S100Z: variants seen among roughly 807,000 people sequenced by gnomAD.
The protein encoded by S100Z is S100 calcium binding protein Z, also known as protein S100-Z.
A neutral mutation model predicts 8.5 loss-of-function variants in S100Z; 11 were observed. The observed-to-expected ratio is 1.30, with a 90% CI of 0.82 to 2.15. The LOEUF (loss-of-function observed/expected upper bound fraction) is 2.15. Among genes scored for constraint, S100Z ranks in the 30% most tolerant of loss-of-function variants. The pLI is 0.00. For synonymous variants in S100Z, 34 were observed against 43.8 expected (o/e 0.78, Z 0.89); for missense variants, 126 against 117.9 (o/e 1.07, Z -0.32).
At chr5:76,869,710 C>A (rs1431040342) in intron 1 of S100Z, among the ~76,000 whole-genome samples, 1 of 152,030 alleles carries the variant, frequency 6.6e-6, no homozygotes, top group Admixed American at 6.6e-5. Flanking sequence ...GAGAAGTGGA[C>A]CAGTTTAGCT....
At chr5:76,939,726 C>A in the S100Z span, among the ~76,000 whole-genome samples, 60,205 of 149,460 alleles carry the variant, frequency 0.4, 13,981 homozygotes, top group South Asian at 0.65. Flanking sequence ...TTGGCTAGGC[C>A]GGTCTTGAAC....
chr5:76,925,141 C>G (rs968414603), downstream of S100Z, among the ~76,000 whole-genome samples: 1 of 144,354 alleles, frequency 6.9e-6, no homozygotes, highest in African/African-American at 2.5e-5. Context: ...TGAGGGTCCC[C>G]AAAGATGAGT....
intron 4 of S100Z, among the ~76,000 whole-genome samples, chr5:76,911,052 A>AG (rs1744638746): frequency 6.6e-6 from 1 of 152,192 alleles, no homozygotes; most frequent in African/African-American, 2.4e-5. Context: ...CCTCTACTTG[A>AG]GGAGGGAATC....
chr5:76,936,837 C>T, the S100Z span, among the ~76,000 whole-genome samples: 1 of 152,032 alleles, frequency 6.6e-6, no homozygotes, highest in Non-Finnish European at 1.5e-5. Context: ...AGGGAAGAGG[C>T]AAGGGCACTG....
intron 4 of S100Z, among the ~76,000 whole-genome samples, chr5:76,895,201 C>T (rs1743995414): frequency 6.6e-6 from 1 of 152,056 alleles, no homozygotes; most frequent in Non-Finnish European, 1.5e-5. Context: ...TTGAGAATGC[C>T]CAGGATTTTC....
chr5:76,877,616 T>C, intron 3 of S100Z, 58 bp from the exon 4 acceptor site: 1 of 995,116 alleles, frequency 1.0e-6, no homozygotes, highest in Non-Finnish European at 1.6e-6. Flanking sequence ...AAGATGAATT[T>C]CAATTGTCAT....
intron 4 of S100Z, among the ~76,000 whole-genome samples, chr5:76,920,423 TA>T (rs1424278802): frequency 6.6e-6 from 1 of 152,212 alleles, no homozygotes; most frequent in Non-Finnish European, 1.5e-5. Flanking sequence ...AATCCACTGC[TA>T]AGACTTCTCC....
At chr5:76,922,824 AAG>A (rs1435962359), downstream of S100Z, among the ~76,000 whole-genome samples, 1 of 152,100 alleles carries the variant, frequency 6.6e-6, no homozygotes, top group Non-Finnish European at 1.5e-5. Context: ...TGCCTAGCCA[AAG>A]AGAGTATTTA....
At chr5:76,864,785 T>G (rs1466268303) in intron 1 of S100Z, among the ~76,000 whole-genome samples, 1 of 152,156 alleles carries the variant, frequency 6.6e-6, no homozygotes, top group Non-Finnish European at 1.5e-5. Context: ...CTCGGCTCGC[T>G]GCAACCTCTG....
intron 4 of S100Z, among the ~76,000 whole-genome samples, chr5:76,908,636 A>C (rs1744540491): frequency 6.6e-6 from 1 of 152,176 alleles, no homozygotes; most frequent in Admixed American, 6.5e-5. Flanking sequence ...TCAGACAAGC[A>C]GGCCTAACAA....
intron 4 of S100Z, among the ~76,000 whole-genome samples, chr5:76,905,094 C>T (rs1181175696): frequency 1.3e-5 from 2 of 152,142 alleles, no homozygotes; most frequent in Non-Finnish European, 2.9e-5. Context: ...AGGGATGCTG[C>T]TACACATCCT....
chr5:76,928,808 C>T, the S100Z span, among the ~76,000 whole-genome samples: 38 of 152,300 alleles, frequency 2.5e-4, no homozygotes, highest in Admixed American at 7.2e-4. Flanking sequence ...CGCACAATCA[C>T]GGCACATTAC....
chr5:76,938,107 TAAACAAAA>T, the S100Z span, among the ~76,000 whole-genome samples: 1 of 138,124 alleles, frequency 7.2e-6, no homozygotes, highest in Non-Finnish European at 1.6e-5. Context: ...AAACAAAAAA[TAAACAAAA>T]AAACAAAAAA....
chr5:76,863,812 A>G (rs1484368870), intron 1 of S100Z, among the ~76,000 whole-genome samples: 1 of 152,230 alleles, frequency 6.6e-6, no homozygotes, highest in East Asian at 1.9e-4. Flanking sequence ...TACTGGGATT[A>G]CAGGTGTGAG....
downstream of S100Z, among the ~76,000 whole-genome samples, chr5:76,922,473 C>T (rs1287966316): frequency 1.3e-5 from 2 of 152,204 alleles, no homozygotes; most frequent in Non-Finnish European, 2.9e-5. Flanking sequence ...CTCCCTCCCA[C>T]CTCCCAGGTT....
chr5:76,927,913 G>A, the S100Z span, among the ~76,000 whole-genome samples: 1 of 152,164 alleles, frequency 6.6e-6, no homozygotes, highest in Non-Finnish European at 1.5e-5. Flanking sequence ...GGAAAAGCCA[G>A]GTTCAAGCTG....
intron 1 of S100Z, among the ~76,000 whole-genome samples, chr5:76,862,670 C>T (rs1318109298): frequency 3.9e-5 from 6 of 151,960 alleles, no homozygotes; most frequent in African/African-American, 9.7e-5. Context: ...GGCACGGTGG[C>T]GCATTCCTGT....
intron 4 of S100Z, among the ~76,000 whole-genome samples, chr5:76,904,707 TA>T (rs200010249): frequency 9.9e-5 from 15 of 151,306 alleles, no homozygotes; most frequent in African/African-American, 3.7e-4. Flanking sequence ...CCTGGCTAAT[TA>T]AAAAAAATTT....
rs911068700 is a variant in S100Z, at chr5:76,894,841, G to A, written c.*2+17007G>A. Among the ~76,000 whole-genome samples the A allele has an allele frequency of 4.0e-5, 6 of 151,790 alleles. No individual in the cohort carries two copies. The South Asian group carries it at 8.3e-4, about 21-fold the overall frequency. On this transcript the variant is annotated intron_variant, in intron 4 of 4. Transcript: ENST00000317593. ...TGACCTCAGGTGATCCACCCGCCTC[G>A]GCCTCCCAAAGTCCTGGGATTACAG...
Sources: gnomAD v4.1 joint callset for allele counts (sites outside exome capture counted in the v4.1 genomes callset) on GRCh38, gnomAD v4.1.1 for gene constraint, MANE v1.5 for transcripts, NCBI Gene and HGNC (gene_info 2026-07-23, HGNC 2026-07-21) for gene names.